Variants in PPP1R12B observed in about 807,000 individuals in gnomAD.
PPP1R12B encodes the protein protein phosphatase 1 regulatory subunit 12B.
PPP1R12B carries 76 observed loss-of-function variants against 126.1 expected under a neutral mutation model. The observed-to-expected ratio is 0.60, with a 90% CI of 0.50 to 0.73. PPP1R12B has a LOEUF of 0.73. PPP1R12B is among the 30% of genes least tolerant of loss of function. The pLI, the probability that PPP1R12B is intolerant of heterozygous loss-of-function variation, is 0.00. For missense variants in PPP1R12B, 1,052 were observed against 1,205.1 expected (o/e 0.87, Z 1.88); for synonymous variants, 356 against 434.7 (o/e 0.82, Z 2.25).
At chr1:202,446,967 G>A (rs1672374879) in intron 12 of PPP1R12B, among the ~76,000 whole-genome samples, 2 of 152,156 alleles carry the variant, frequency 1.3e-5, no homozygotes, top group South Asian at 2.1e-4. Flanking sequence ...CTCTAGGGAA[G>A]AAGGAAGAGG....
At chr1:202,551,831 A>G (rs1686362085) in intron 18 of PPP1R12B, among the ~76,000 whole-genome samples, 1 of 152,190 alleles carries the variant, frequency 6.6e-6, no homozygotes, top group Non-Finnish European at 1.5e-5. Context: ...CCATGTGAAA[A>G]GGAATGTAGG....
At position 202,480,164 on chromosome 1, in the gene PPP1R12B, A is replaced by G. The variant is rs1227631401; in HGVS notation, c.1851-8369A>G. 3.3e-5 allele frequency among the ~76,000 whole-genome samples: 5 copies of G among 152,338 alleles called. No homozygotes were observed. The East Asian group carries it at 9.6e-4, about 29-fold the overall frequency. On this transcript the variant is annotated intron_variant, in intron 13 of 23. Coordinates refer to ENST00000608999, the MANE Select transcript of PPP1R12B (RefSeq NM_002481.4). Reference sequence around the variant, plus strand: ...AAGTAGATAAGAAGTAGAGATTTTCACCAGAGAACTGCAGTCTGTTAAAAA... The same window carrying G: ...AAGTAGATAAGAAGTAGAGATTTTCGCCAGAGAACTGCAGTCTGTTAAAAA...
In PPP1R12B at chr1:202,576,263, C is replaced by A. The variant is rs1302748480; in HGVS notation, c.2863-4211C>A. On this transcript the variant is annotated intron_variant, in intron 23 of 23. Coordinates refer to ENST00000608999, the MANE Select transcript of PPP1R12B (RefSeq NM_002481.4). ...CTGGATCCTTTCCCTAGCTATGGAT[C>A]TGAAAGACAAGCTCACAGACAACTG... 2.0e-5 allele frequency: 3 copies of A among 152,222 alleles called. 1 individual carries two copies. The highest frequency in any genetic ancestry group is 1.3e-4 in the Admixed American group (2 of 15,280). The allele number at this position is 152,222 out of a possible 1,614,324, so 9.4% of individuals were successfully genotyped here.
At chr1:202,479,786 C>A (rs1209926958) in intron 13 of PPP1R12B, among the ~76,000 whole-genome samples, 1 of 152,192 alleles carries the variant, frequency 6.6e-6, no homozygotes, top group Non-Finnish European at 1.5e-5. Flanking sequence ...GATTATCAAA[C>A]CCCTACACCA....
chr1:202,444,946 T>C (rs1261056352), intron 12 of PPP1R12B: 1 of 1,011,224 alleles, frequency 9.9e-7, no homozygotes, highest in Non-Finnish European at 1.3e-6. Context: ...TTCTTTGGTC[T>C]ATATTCATTT....
intron 1 of PPP1R12B, among the ~76,000 whole-genome samples, chr1:202,357,075 G>A (rs567845044): frequency 1.3e-5 from 2 of 152,210 alleles, no homozygotes; most frequent in East Asian, 3.9e-4. Context: ...ACCCGCCTTG[G>A]CCTCCCAAGG....
At position 202,586,778 on chromosome 1, in the gene PPP1R12B, T is replaced by G. The variant is rs770598693; in HGVS notation, c.*6218T>G. ...CAACCCAGTGTCCCGGAAGCCCTCCTTCGGGAGAACTGTAAGTAAGAGGTG... is the reference window on the plus strand; with the variant it reads ...CAACCCAGTGTCCCGGAAGCCCTCCGTCGGGAGAACTGTAAGTAAGAGGTG... On this transcript the variant is annotated 3_prime_UTR_variant, in exon 24 of 24. Coordinates refer to ENST00000608999, the MANE Select transcript of PPP1R12B (RefSeq NM_002481.4). The G allele has an allele frequency of 2.0e-5, 3 of 152,220 alleles. No individual in the cohort carries two copies. Among genetic ancestry groups the G allele is most frequent in the Non-Finnish European group, 4.4e-5 (3 of 68,032 alleles). 9.4% of individuals were successfully genotyped at this position (152,220 alleles called of 1,614,324 possible).
At chr1:202,571,658 G>T (rs1688619607) in intron 23 of PPP1R12B, among the ~76,000 whole-genome samples, 2 of 152,202 alleles carry the variant, frequency 1.3e-5, no homozygotes, top group Admixed American at 6.5e-5. Context: ...GTTTCACCAT[G>T]TTGCACCAGG....
chr1:202,460,410 G>T (rs1674164799), intron 13 of PPP1R12B, among the ~76,000 whole-genome samples: 1 of 152,126 alleles, frequency 6.6e-6, no homozygotes, highest in Non-Finnish European at 1.5e-5. Context: ...GATTAATTTG[G>T]CATCATCTTT....
At chr1:202,351,037 G>A (rs1246165874) in intron 1 of PPP1R12B, among the ~76,000 whole-genome samples, 4 of 152,068 alleles carry the variant, frequency 2.6e-5, no homozygotes, top group Non-Finnish European at 5.9e-5. Context: ...GAGTTGAACT[G>A]AACAAGTATA....
At chr1:202,392,319 A>C (rs1230001772) in intron 1 of PPP1R12B, among the ~76,000 whole-genome samples, 3 of 152,214 alleles carry the variant, frequency 2.0e-5, no homozygotes, top group Non-Finnish European at 4.4e-5. Context: ...ATACTGATTC[A>C]TGCTACAGTT....
chr1:202,396,067 A>G (rs1273821694), intron 1 of PPP1R12B, among the ~76,000 whole-genome samples: 1 of 152,040 alleles, frequency 6.6e-6, no homozygotes, highest in African/African-American at 2.4e-5. Context: ...CTTTTTCTGA[A>G]CAGTCGATAC....
At chr1:202,521,506 A>C (rs893170354) in intron 18 of PPP1R12B, among the ~76,000 whole-genome samples, 1 of 152,144 alleles carries the variant, frequency 6.6e-6, no homozygotes, top group African/African-American at 2.4e-5. Flanking sequence ...ATGAAACAAG[A>C]AGAGAAAGCT....
intron 1 of PPP1R12B, among the ~76,000 whole-genome samples, chr1:202,402,035 C>A (rs1023668906): frequency 2.0e-5 from 3 of 152,222 alleles, no homozygotes; most frequent in African/African-American, 7.2e-5. Context: ...GATTTGACTG[C>A]AGATAAGTAA....
chr1:202,468,843 A>C (rs1675445846), intron 13 of PPP1R12B, among the ~76,000 whole-genome samples: 1 of 152,106 alleles, frequency 6.6e-6, no homozygotes, highest in Admixed American at 6.5e-5. Context: ...AGTCCTAGCT[A>C]CTTGAGAGGC....
At chr1:202,377,384 G>T (rs1438658448) in intron 1 of PPP1R12B, among the ~76,000 whole-genome samples, 2 of 151,366 alleles carry the variant, frequency 1.3e-5, no homozygotes, top group East Asian at 3.9e-4. Flanking sequence ...CTCACTGCAA[G>T]CTCCGCCTCC....
chr1:202,482,514 CATT>C (rs1248103087), intron 13 of PPP1R12B, among the ~76,000 whole-genome samples: 54 of 152,236 alleles, frequency 3.5e-4, no homozygotes, highest in African/African-American at 1.3e-3. Flanking sequence ...TTCATATACT[CATT>C]AGCCATTTGT....
At chr1:202,535,953 C>A (rs573668114) in intron 18 of PPP1R12B, among the ~76,000 whole-genome samples, 247 of 152,288 alleles carry the variant, frequency 1.6e-3, no homozygotes, top group African/African-American at 5.6e-3. Flanking sequence ...TGATGTGTTC[C>A]TGCAAGTGTC....
intron 4 of PPP1R12B, 45 bp from the exon 5 acceptor site, chr1:202,426,995 G>A (rs1478924719): frequency 3.2e-6 from 5 of 1,584,696 alleles, no homozygotes; most frequent in East Asian, 2.2e-5. Flanking sequence ...CCAGAAAATT[G>A]TAATATACAG....
Sources: gnomAD v4.1 joint callset for allele counts (sites outside exome capture counted in the v4.1 genomes callset) on GRCh38, gnomAD v4.1.1 for gene constraint, MANE v1.5 for transcripts, NCBI Gene and HGNC (gene_info 2026-07-23, HGNC 2026-07-21) for gene names.